Variants in DKC1 observed in about 807,000 individuals in gnomAD.
DKC1 encodes the protein H/ACA ribonucleoprotein complex subunit DKC1.
In DKC1, 4 loss-of-function variants were observed where a neutral mutation model predicts 46.7. The observed-to-expected ratio is 0.09, with a 90% CI of 0.04 to 0.20. DKC1 has a LOEUF of 0.20. Ranked by LOEUF, DKC1 falls within the 10% of genes least tolerant of loss-of-function variation. DKC1 has a pLI of 1.00. For synonymous variants in DKC1, 141 were observed against 142.4 expected (o/e 0.99, Z 0.07); for missense variants, 171 against 404.2 (o/e 0.42, Z 4.95).
At chrX:154,765,596 T>C in intron 3 of DKC1, 66 bp downstream of exon 3, 1 of 879,134 alleles carries the variant, frequency 1.1e-6, no homozygotes, top group Non-Finnish European at 1.7e-6. Context: ...TGTTAAACAA[T>C]TGATTGAGAA....
intron 9 of DKC1, 91 bp downstream of exon 9, chrX:154,769,401 A>AT (rs1482863234): frequency 1.0e-4 from 107 of 1,026,701 alleles, no homozygotes; most frequent in Non-Finnish European, 1.3e-4. Flanking sequence ...GTTTTATTTT[A>AT]TTTTTTTCAA....
At chrX:154,772,743 T>A (rs1479269909) in intron 10 of DKC1, among the ~76,000 whole-genome samples, 1 of 112,161 alleles carries the variant, frequency 8.9e-6, no homozygotes, top group Non-Finnish European at 1.9e-5. Context: ...GTCATCAGGA[T>A]TCCTTAGCTC....
intron 7 of DKC1, 59 bp downstream of exon 7, chrX:154,767,441 T>C (rs1024596862): frequency 4.2e-6 from 5 of 1,182,827 alleles, no homozygotes; most frequent in African/African-American, 1.7e-5. Flanking sequence ...TGTTCTCTTA[T>C]TAAAAGTAGA....
chrX:154,773,441 C>A (rs781836732), intron 11 of DKC1, among the ~76,000 whole-genome samples, 192 bp downstream of exon 11: 135 of 108,802 alleles, frequency 1.2e-3, no homozygotes, highest in Non-Finnish European at 2.3e-3. Context: ...AGGCAGAGGA[C>A]CCTGCGGCCT....
chrX:154,773,091 C>A (rs1603429620), intron 10 of DKC1, 40 bp from the exon 11 acceptor site: 1 of 951,092 alleles, frequency 1.1e-6, no homozygotes, highest in East Asian at 3.1e-5. Context: ...TCAATTCTTT[C>A]ACCCTTCAAA....
In DKC1 at chrX:154,776,191, A is replaced by G. The variant is rs2148517505; in HGVS notation, c.1343A>G (p.Lys448Arg). 3 of 1,211,903 alleles carry G rather than the reference A, an allele frequency of 2.5e-6. No homozygotes were observed. The highest frequency in any genetic ancestry group is 3.4e-6 in the Non-Finnish European group (3 of 895,328). ...VAEAAKTAKRKRESESESDET... is the reference protein window; with the variant it reads ...VAEAAKTAKRRRESESESDET... The stretch of plus-strand genomic sequence containing the variant: ...AACCAATTGCTTTCATCTCAGCGGA[A>G]GCGAGAGAGTGAGAGTGAAAGTGAC... Residue 448 changes from lysine (K) to arginine (R), a missense_variant, in exon 14 of 15, where the codon AAG becomes AGG. This residue lies in a region of DKC1 where 54 missense variants were observed against 64.4 expected (regional missense o/e 0.84). Coordinates refer to ENST00000369550, the MANE Select transcript of DKC1 (RefSeq NM_001363.5).
intron 7 of DKC1, 75 bp from the exon 8 acceptor site, chrX:154,768,227 A>C: frequency 3.5e-6 from 4 of 1,149,619 alleles, no homozygotes; most frequent in Non-Finnish European, 2.4e-6. Context: ...GGCTCAGATG[A>C]AGGATAACTG....
intron 1 of DKC1, among the ~76,000 whole-genome samples, chrX:154,764,371 C>T (rs967897568): frequency 9.2e-6 from 1 of 108,979 alleles, no homozygotes; most frequent in Middle Eastern, 4.2e-3. Flanking sequence ...AGACATTACA[C>T]TACTGGAGAC....
rs1254314268 is a variant in DKC1 at position 154,770,660 on chromosome X, G to A, written c.916-99G>A. The A allele has an allele frequency of 8.1e-6, 9 of 1,109,623 alleles. No individual in the cohort carries two copies. In the East Asian group the frequency reaches 2.4e-4, roughly 30 times the overall value. The allele number at this position is 1,109,623 out of a possible 1,213,427, so 91.4% of individuals were successfully genotyped here. The stretch of plus-strand genomic sequence containing the variant: ...CTATAAGTGTCATCCCTGTTTCCTG[G>A]TGTCAGGCCCCACTCCCTTGTTGTC... On this transcript the variant is annotated intron_variant, in intron 9 of 14. Transcript: ENST00000369550.
In DKC1 at chrX:154,768,306, C is replaced by G; in HGVS notation, c.645C>G (p.Ile215Met). The G allele has an allele frequency of 8.3e-7, 1 of 1,211,410 alleles. No homozygotes were observed. The highest frequency in any genetic ancestry group is 1.1e-6 in the Non-Finnish European group (1 of 895,414). Residue 215 changes from isoleucine (I) to methionine (M), a missense_variant, in exon 8 of 15, where the codon ATC becomes ATG. Coordinates refer to ENST00000369550, the MANE Select transcript of DKC1 (RefSeq NM_001363.5). ...TTTTGTGTGTGTGTATCTTAGGAAT[C>G]TTTTGGGTGAGTTGTGAGGCTGGCA... ...IEYDPERRLG[I>M]FWVSCEAGTY...
intron 10 of DKC1, 39 bp downstream of exon 10, chrX:154,770,918 G>A (rs782503145): frequency 1.7e-6 from 2 of 1,185,391 alleles, no homozygotes; most frequent in East Asian, 3.0e-5. Flanking sequence ...CTAAATGTTT[G>A]TGGTTACATA....
Position 154,777,180 on chromosome X carries a change from C to T in DKC1, c.*313C>T, listed in dbSNP as rs141487608. The stretch of plus-strand genomic sequence containing the variant: ...TGTCTGCTAGTGGTTGTCTTAACAT[C>T]GTAGTCCTAGTTTGCATTTTTTAAA... On this transcript the variant is annotated 3_prime_UTR_variant, in exon 15 of 15. Transcript: ENST00000369550. 6.6e-4 allele frequency: 141 copies of T among 214,888 alleles called. No homozygotes were observed. In the East Asian group the frequency reaches 0.013, roughly 20 times the overall value. 17.7% of individuals were successfully genotyped at this position (214,888 alleles called of 1,213,427 possible). A position where few individuals can be genotyped will look rare whatever the true frequency, so the allele number is the denominator to read the frequency against.
At chrX:154,775,950 C>G (rs1024414238) in intron 13 of DKC1, among the ~76,000 whole-genome samples, 1 of 112,175 alleles carries the variant, frequency 8.9e-6, no homozygotes, top group Non-Finnish European at 1.9e-5. Context: ...CACCCCAAGC[C>G]CCGTGCTGCT....
At chrX:154,765,619 G>T in intron 3 of DKC1, 89 bp downstream of exon 3, 1 of 775,044 alleles carries the variant, frequency 1.3e-6, no homozygotes, top group East Asian at 3.1e-5. Context: ...CTTACTGCTG[G>T]CATCCTTGAC....
At chrX:154,772,948 G>A (rs1557265082) in intron 10 of DKC1, among the ~76,000 whole-genome samples, 183 bp from the exon 11 acceptor site, 1 of 111,923 alleles carries the variant, frequency 8.9e-6, no homozygotes, top group African/African-American at 3.3e-5. Context: ...TCATTTCAAA[G>A]GCCTCCTTCT....
chrX:154,764,661 A>G (rs782538922), intron 1 of DKC1, among the ~76,000 whole-genome samples: 1 of 111,378 alleles, frequency 9.0e-6, no homozygotes, highest in Admixed American at 9.6e-5. Flanking sequence ...GCCTTGACCT[A>G]CACAGGGTCA....
rs782529741 is a variant in DKC1, at chrX:154,775,608, A to G, written c.1338+335A>G. ...AATTCTGGCCCCCGCCCTGGGTCAA[A>G]TGGTAGGACAGATGTGTTGAAATCA... is the stretch of plus-strand genomic sequence containing the variant. On this transcript the variant is annotated intron_variant, in intron 13 of 14. Coordinates refer to ENST00000369550, the MANE Select transcript of DKC1 (RefSeq NM_001363.5). Among the ~76,000 whole-genome samples, 6 of 112,206 alleles carry G rather than the reference A, an allele frequency of 5.3e-5. No homozygotes were observed. The South Asian group carries it at 2.2e-3, about 41-fold the overall frequency.
intron 7 of DKC1, 59 bp downstream of exon 7, chrX:154,767,441 T>TTAAA (rs1302892627): frequency 1.7e-6 from 2 of 1,181,215 alleles, no homozygotes; most frequent in Non-Finnish European, 2.3e-6. Context: ...TGTTCTCTTA[T>TTAAA]TAAAAGTAGA....
chrX:154,772,401 G>A, intron 10 of DKC1, among the ~76,000 whole-genome samples: 1 of 112,074 alleles, frequency 8.9e-6, no homozygotes, highest in African/African-American at 3.2e-5. Flanking sequence ...AAATGTAGGT[G>A]TGTGCATTTG....
Sources: gnomAD v4.1 joint callset for allele counts (sites outside exome capture counted in the v4.1 genomes callset) on GRCh38, gnomAD v4.1.1 for gene constraint, gnomAD v4.1.1 regional missense constraint, MANE v1.5 for transcripts, NCBI Gene and HGNC (gene_info 2026-07-23, HGNC 2026-07-21) for gene names.